The following MTRR variants were observed in gnomAD, a reference collection of about 807,000 sequenced individuals.
The protein encoded by MTRR is methionine synthase reductase.
In MTRR, 63 loss-of-function variants were observed where a neutral mutation model predicts 79.2. That is an observed-to-expected ratio of 0.80 (90% confidence interval 0.65 to 0.98). The LOEUF is 0.98. MTRR is among the 50% of genes least tolerant of loss of function. MTRR has a pLI of 0.00. For missense variants in MTRR, 895 were observed against 839.6 expected (o/e 1.07, Z -0.82); for synonymous variants, 355 against 313.3 (o/e 1.13, Z -1.41).
chr5:7,879,979 A>G (rs944534253), intron 5 of MTRR, among the ~76,000 whole-genome samples: 1 of 152,216 alleles, frequency 6.6e-6, no homozygotes, highest in African/African-American at 2.4e-5. Flanking sequence ...TGTGCTACCC[A>G]CAGATCCTGA....
rs16879356 is a variant in MTRR at position 7,892,967 on chromosome 5, T to C, written c.1557+54T>C. On this transcript the variant is annotated intron_variant, in intron 11 of 14. Coordinates refer to ENST00000440940, the MANE Select transcript of MTRR (RefSeq NM_002454.3). ...TTGTTAACTCATACTCTTTGTTTCA[T>C]TAGAAAAAACAGTGTTGTCTCACCC... 185,237 of 1,551,350 alleles carry C rather than the reference T, an allele frequency of 0.12. 14,799 individuals carry two copies. Among genetic ancestry groups the C allele is most frequent in the African/African-American group, 0.32 (23,585 of 73,266 alleles).
At chr5:7,869,272 T>G (rs1238682691) in intron 1 of MTRR, 57 bp downstream of exon 1, 2 of 1,573,318 alleles carry the variant, frequency 1.3e-6, no homozygotes, top group African/African-American at 3.4e-5. Flanking sequence ...TGCACTAATC[T>G]CCTGGGAGAG....
intron 1 of MTRR, chr5:7,859,670 C>G: frequency 1.8e-6 from 1 of 558,938 alleles, no homozygotes; most frequent in East Asian, 3.0e-5. Context: ...GCAAATATCC[C>G]AACCAGCTTC....
upstream of MTRR, among the ~76,000 whole-genome samples, chr5:7,864,883 G>GA (rs938560297): frequency 6.6e-6 from 1 of 150,960 alleles, no homozygotes; most frequent in African/African-American, 2.5e-5. Context: ...GTTTATATAT[G>GA]AAAAAAACCA....
At chr5:7,861,312 A>T (rs1746514843) in intron 1 of MTRR, 1 of 1,075,490 alleles carries the variant, frequency 9.3e-7, no homozygotes, top group South Asian at 1.9e-5. Context: ...AATAATCCAA[A>T]ATATTTATTA....
chr5:7,877,518 AAAAAG>A (rs1322748633), intron 4 of MTRR, among the ~76,000 whole-genome samples: 40 of 152,170 alleles, frequency 2.6e-4, no homozygotes, highest in African/African-American at 9.4e-4. Context: ...AAAAAAAAAA[AAAAAG>A]GTGCATTTGA....
chr5:7,886,606 C>G lies in MTRR; in HGVS notation c.1058-9C>G, dbSNP rs1736476286. On this transcript the variant is annotated splice_polypyrimidine_tract_variant and intron_variant, in intron 7 of 14. Coordinates refer to ENST00000440940, the MANE Select transcript of MTRR (RefSeq NM_002454.3). ...GTCATGAACCCCTTTCCCGTCTTTA[C>G]CTGAAAAGGAGCTACCTTACCCCAG... The G allele has an allele frequency of 6.2e-7, 1 of 1,601,574 alleles. No homozygotes were observed. Among genetic ancestry groups the G allele is most frequent in the East Asian group, 2.2e-5 (1 of 44,810 alleles).
At chr5:7,859,491 C>G (rs1382664675) in intron 1 of MTRR, 1 of 1,606,744 alleles carries the variant, frequency 6.2e-7, no homozygotes, top group Non-Finnish European at 8.5e-7. Context: ...TGTAAATATT[C>G]CACCAATTCA....
At chr5:7,869,415 C>T in intron 1 of MTRR, 200 bp downstream of exon 1, 1 of 602,238 alleles carries the variant, frequency 1.7e-6, no homozygotes, top group East Asian at 2.9e-5. Context: ...TCCCCGGGAG[C>T]GTGTCCTTGG....
At position 7,895,843 on chromosome 5, in the gene MTRR, T is replaced by A; in HGVS notation, c.1667T>A (p.Leu556Gln). Residue 556 changes from leucine to glutamine, a missense_variant, in exon 12 of 15, where the codon CTA becomes CAA. Leu to Gln is a moderately radical substitution (Grantham distance 113, BLOSUM62 -2). Coordinates refer to ENST00000440940, the MANE Select transcript of MTRR (RefSeq NM_002454.3). ...GGCATAGCCCCGTTTATTGGGTTCC[T>A]ACAACATAGGTATGTTCTTTTTTTG... ...GTGIAPFIGF[L>Q]QHREKLQEQH... 1 of 1,614,166 alleles carries A rather than the reference T, an allele frequency of 6.2e-7. No individual in the cohort carries two copies. The highest frequency in any genetic ancestry group is 8.5e-7 in the Non-Finnish European group (1 of 1,179,982).
intron 6 of MTRR, among the ~76,000 whole-genome samples, chr5:7,884,138 T>TG (rs1214555061): frequency 6.6e-6 from 1 of 152,158 alleles, no homozygotes; most frequent in Non-Finnish European, 1.5e-5. Context: ...CACTCCAGCC[T>TG]GGGTGACAGA....
intron 6 of MTRR, 62 bp from the exon 7 acceptor site, chr5:7,885,639 A>T: frequency 6.6e-7 from 1 of 1,505,886 alleles, no homozygotes; most frequent in Non-Finnish European, 9.2e-7. Context: ...TTGTTACCCT[A>T]CAGCTTAAAC....
chr5:7,877,942 A>G lies in MTRR; in HGVS notation c.402-2A>G, dbSNP rs2126692827. 2 of 1,612,546 alleles carry G rather than the reference A, an allele frequency of 1.2e-6. No individual in the cohort carries two copies. The highest frequency in any genetic ancestry group is 1.7e-6 in the Non-Finnish European group (2 of 1,179,960). ...TGTTTTTCGTTTGTTTTTACTGTCC[A>G]GTTTAGAACTTGTGGTTGAGCCGTG... On this transcript the variant is annotated splice_acceptor_variant, in intron 4 of 14. Coordinates refer to ENST00000440940, the MANE Select transcript of MTRR (RefSeq NM_002454.3). LOFTEE classifies it high-confidence loss of function.
chr5:7,863,119 CA>C (rs1746674772), intron 2 of MTRR: 2 of 822,098 alleles, frequency 2.4e-6, no homozygotes, highest in African/African-American at 3.5e-5. Flanking sequence ...GATACTTTTC[CA>C]GGAATTGGGA....
At chr5:7,863,636 T>C (rs985453250) in intron 2 of MTRR, among the ~76,000 whole-genome samples, 6 of 152,184 alleles carry the variant, frequency 3.9e-5, no homozygotes, top group Admixed American at 2.0e-4. Flanking sequence ...AAATGTGATA[T>C]AAATGACATT....
intron 1 of MTRR, chr5:7,870,470 AT>A (rs1031298590): frequency 5.1e-4 from 196 of 387,204 alleles, no homozygotes; most frequent in African/African-American, 3.8e-3. Context: ...GGTACGGATC[AT>A]TTGGGGAGCT....
At chr5:7,859,639 C>T (rs530446240) in intron 1 of MTRR, 21 of 696,080 alleles carry the variant, frequency 3.0e-5, no homozygotes, top group Admixed American at 2.2e-4. Flanking sequence ...TTCCCCACAG[C>T]GGAATGTAAG....
At chr5:7,853,798 C>T (rs1335490539) in intron 1 of MTRR, among the ~76,000 whole-genome samples, 1 of 152,234 alleles carries the variant, frequency 6.6e-6, no homozygotes, top group Non-Finnish European at 1.5e-5. Context: ...CAGGGCCTCA[C>T]AGTCTCCCCT....
chr5:7,881,680 A>G (rs1388728334), intron 5 of MTRR, among the ~76,000 whole-genome samples: 1 of 152,008 alleles, frequency 6.6e-6, no homozygotes, highest in African/African-American at 2.4e-5. Context: ...TAAGCTCCTG[A>G]GGATGTCCCC....
Sources: gnomAD v4.1 joint callset for allele counts (sites outside exome capture counted in the v4.1 genomes callset) on GRCh38, gnomAD v4.1.1 for gene constraint, MANE v1.5 for transcripts, NCBI Gene and HGNC (gene_info 2026-07-23, HGNC 2026-07-21) for gene names.